Variants in PCDH11X observed in about 807,000 individuals in gnomAD.
The protein encoded by PCDH11X is protocadherin 11 X-linked.
A neutral mutation model predicts 53.3 loss-of-function variants in PCDH11X; 18 were observed. The observed-to-expected ratio is 0.34, with a 90% confidence interval of 0.23 to 0.50. The LOEUF (loss-of-function observed/expected upper bound fraction) is 0.50. Ranked by LOEUF, PCDH11X falls within the 20% of genes least tolerant of loss-of-function variation. The probability of loss-of-function intolerance (pLI) is 0.98; values close to 1 mark genes in which losing one functional copy is unlikely to be tolerated. For synonymous variants in PCDH11X, 279 were observed against 393.3 expected (o/e 0.71, Z 3.44); for missense variants, 570 against 1,032.4 (o/e 0.55, Z 6.14).
chrX:92,006,094 G>A (rs1239260155), intron 6 of PCDH11X, among the ~76,000 whole-genome samples: 1 of 109,691 alleles, frequency 9.1e-6, no homozygotes, highest in East Asian at 2.9e-4. Flanking sequence ...CCTTCTCCAG[G>A]TTGAATCTGC....
intron 8 of PCDH11X, among the ~76,000 whole-genome samples, chrX:92,266,881 A>T (rs1263352711): frequency 1.8e-5 from 2 of 109,316 alleles, no homozygotes; most frequent in Non-Finnish European, 3.8e-5. Context: ...ATTAGCTGGG[A>T]TTACAGGCGC....
intron 8 of PCDH11X, among the ~76,000 whole-genome samples, chrX:92,271,895 T>C (rs949402603): frequency 1.8e-5 from 2 of 112,393 alleles, no homozygotes; most frequent in African/African-American, 6.5e-5. Context: ...ATTTCATATA[T>C]GTCCCTTAAG....
intron 9 of PCDH11X, among the ~76,000 whole-genome samples, chrX:92,439,004 C>T (rs1472962058): frequency 2.7e-5 from 3 of 111,178 alleles, no homozygotes; most frequent in South Asian, 3.8e-4. Flanking sequence ...ATGTATATGT[C>T]ATGACACCAG....
intron 8 of PCDH11X, among the ~76,000 whole-genome samples, chrX:92,280,522 A>G (rs1257453807): frequency 1.2e-5 from 1 of 84,271 alleles, no homozygotes; most frequent in East Asian, 5.3e-4. Flanking sequence ...GCTCCATCTC[A>G]AATAAATAAA....
intron 7 of PCDH11X, among the ~76,000 whole-genome samples, chrX:92,230,954 CA>C (rs2067065505): frequency 9.0e-6 from 1 of 110,916 alleles, no homozygotes; most frequent in African/African-American, 3.3e-5. Flanking sequence ...TTCTAATTTT[CA>C]ATCTGCCACA....
In PCDH11X at chrX:91,839,561, G is replaced by A. The variant is rs941903820; in HGVS notation, c.540+3517G>A. 2.2e-4 allele frequency among the ~76,000 whole-genome samples: 24 copies of A among 108,442 alleles called. 1 individual carries two copies. Among genetic ancestry groups the A allele is most frequent in the South Asian group, 2.0e-3 (5 of 2,501 alleles). The allele number at this position is 108,442 out of a possible 115,157, so 94.2% of individuals were successfully genotyped here. On this transcript the variant is annotated intron_variant, in intron 5 of 10. Coordinates refer to ENST00000682573, the MANE Select transcript of PCDH11X (RefSeq NM_032968.5). ...AGAGGTTGCAGTGAATCGAGATTGC[G>A]CCATTGCAATCCAGCCCAGGTAACA...
intron 4 of PCDH11X, among the ~76,000 whole-genome samples, chrX:91,825,218 G>C (rs1258621470): frequency 9.2e-6 from 1 of 108,954 alleles, no homozygotes; most frequent in Non-Finnish European, 1.9e-5. Flanking sequence ...TGGAGCTTCC[G>C]GGCTGCTTTG....
Position 92,451,986 on chromosome X carries a change from G to A in PCDH11X, c.3344-16313G>A, listed in dbSNP as rs1169368736. Reference sequence around the variant, plus strand: ...CTGAGGTTATTCATGGAACTGATATGAAAACTGAAGGACTGTGAAGTTATA... The same window carrying A: ...CTGAGGTTATTCATGGAACTGATATAAAAACTGAAGGACTGTGAAGTTATA... On this transcript the variant is annotated intron_variant, in intron 9 of 10. Coordinates refer to ENST00000682573, the MANE Select transcript of PCDH11X (RefSeq NM_032968.5). Among the ~76,000 whole-genome samples the A allele has an allele frequency of 3.7e-5, 4 of 107,549 alleles. No individual in the cohort carries two copies. In the East Asian group the frequency reaches 8.9e-4, roughly 24 times the overall value. The allele number at this position is 107,549 out of a possible 115,157, so 93.4% of individuals were successfully genotyped here. A position where few individuals can be genotyped will look rare whatever the true frequency, so the allele number is the denominator to read the frequency against.
At chrX:92,179,525 C>T (rs1195810246) in intron 6 of PCDH11X, among the ~76,000 whole-genome samples, 1 of 111,388 alleles carries the variant, frequency 9.0e-6, no homozygotes. Context: ...AACTGCTCAA[C>T]CATATGCTGG....
rs187815644 is a variant in PCDH11X at position 91,886,449 on chromosome X, T to C, written c.3033+7176T>C. ...AGAAATATTATTTGATCAAAATCTA[T>C]AGTGCATAAATTAAACAAAAAATAC... On this transcript the variant is annotated intron_variant, in intron 6 of 10. Transcript: ENST00000682573. Among the ~76,000 whole-genome samples, 709 of 110,939 alleles carry C rather than the reference T, an allele frequency of 6.4e-3. 4 individuals are homozygous for C. Among genetic ancestry groups the C allele is most frequent in the African/African-American group, 0.021 (649 of 30,351 alleles).
At chrX:91,865,564 G>A (rs760169675) in intron 5 of PCDH11X, among the ~76,000 whole-genome samples, 1 of 111,691 alleles carries the variant, frequency 9.0e-6, no homozygotes, top group Non-Finnish European at 1.9e-5. Context: ...AGCCAGCCAG[G>A]TCTATGTCTT....
intron 9 of PCDH11X, among the ~76,000 whole-genome samples, chrX:92,420,327 TCTTA>T (rs1433725032): frequency 8.9e-6 from 1 of 112,405 alleles, no homozygotes; most frequent in Admixed American, 9.4e-5. Flanking sequence ...TTCATCTTTC[TCTTA>T]CTTTATTCCT....
Position 92,296,518 on chromosome X carries a change from G to A in PCDH11X, c.3144+33375G>A, listed in dbSNP as rs1410950534. Reference sequence around the variant, plus strand: ...GTGGTATCTGGTTTTCTGTTCCTGTGTTAGCTTGCTTAGGACAATGGCGTC... The same window carrying A: ...GTGGTATCTGGTTTTCTGTTCCTGTATTAGCTTGCTTAGGACAATGGCGTC... On this transcript the variant is annotated intron_variant, in intron 8 of 10. Transcript: ENST00000682573. Among the ~76,000 whole-genome samples the A allele has an allele frequency of 2.7e-5, 3 of 110,711 alleles. No individual in the cohort carries two copies. The East Asian group carries it at 8.6e-4, about 32-fold the overall frequency.
intron 10 of PCDH11X, among the ~76,000 whole-genome samples, chrX:92,513,402 G>A (rs988958236): frequency 3.6e-5 from 4 of 109,729 alleles, no homozygotes; most frequent in African/African-American, 1.3e-4. Context: ...AAGTAAAAGG[G>A]GATATGAGGC....
chrX:92,401,247 G>T (rs948752778), intron 9 of PCDH11X, among the ~76,000 whole-genome samples: 1 of 106,776 alleles, frequency 9.4e-6, no homozygotes, highest in Non-Finnish European at 1.9e-5. Flanking sequence ...TTGTCACATA[G>T]GCATAAGCAC....
chrX:92,442,132 C>G (rs1391027286), intron 9 of PCDH11X, among the ~76,000 whole-genome samples: 1 of 111,359 alleles, frequency 9.0e-6, no homozygotes, highest in African/African-American at 3.3e-5. Flanking sequence ...AATGCCTGTT[C>G]CCCCATTGTA....
intron 6 of PCDH11X, among the ~76,000 whole-genome samples, chrX:91,999,988 G>T (rs1026866169): frequency 2.7e-5 from 3 of 111,141 alleles, no homozygotes; most frequent in African/African-American, 9.8e-5. Flanking sequence ...GTAAGTCTAG[G>T]TTAATGACTG....
intron 9 of PCDH11X, among the ~76,000 whole-genome samples, chrX:92,433,593 T>C (rs1345198452): frequency 9.1e-6 from 1 of 109,387 alleles, no homozygotes; most frequent in African/African-American, 3.3e-5. Context: ...GTCAGTGTTA[T>C]GGGACTTGTA....
chrX:92,536,781 C>T (rs2750947), intron 10 of PCDH11X, among the ~76,000 whole-genome samples: 2 of 107,919 alleles, frequency 1.9e-5, no homozygotes, highest in East Asian at 5.9e-4. Flanking sequence ...TCTCAGCCTC[C>T]GCAGTATCTG....
Sources: gnomAD v4.1 joint callset for allele counts (sites outside exome capture counted in the v4.1 genomes callset) on GRCh38, gnomAD v4.1.1 for gene constraint, MANE v1.5 for transcripts, NCBI Gene and HGNC (gene_info 2026-07-23, HGNC 2026-07-21) for gene names.